The following ADSS2 variants were observed in gnomAD, a reference collection of about 807,000 sequenced individuals.
ADSS2 encodes the protein adenylosuccinate synthetase isozyme 2.
A neutral mutation model predicts 60.0 loss-of-function variants in ADSS2; 30 were observed. That is an observed-to-expected ratio of 0.50 (90% CI 0.37 to 0.68). ADSS2 has a LOEUF of 0.68. ADSS2 is among the 30% of genes least tolerant of loss of function. ADSS2 has a pLI of 0.00. For missense variants in ADSS2, 373 were observed against 554.8 expected, an observed-to-expected ratio of 0.67 and a Z score of 3.29; for synonymous variants, 187 against 193.1, an observed-to-expected ratio of 0.97 and a Z score of 0.26.
intron 5 of ADSS2, 59 bp downstream of exon 5, chr1:244,424,261 TA>T: frequency 1.3e-6 from 2 of 1,503,686 alleles, no homozygotes; most frequent in Non-Finnish European, 1.8e-6. Flanking sequence ...GGTCTAGAAC[TA>T]AAATATAAAG....
chr1:244,413,013 G>C (rs1211853907), intron 11 of ADSS2, among the ~76,000 whole-genome samples: 1 of 152,152 alleles, frequency 6.6e-6, no homozygotes, highest in African/African-American at 2.4e-5. Context: ...CCTGGCTAAG[G>C]AAGCACTGGG....
chr1:244,412,399 G>A (rs1199311147), intron 11 of ADSS2, among the ~76,000 whole-genome samples: 1 of 152,194 alleles, frequency 6.6e-6, no homozygotes, highest in Non-Finnish European at 1.5e-5. Flanking sequence ...ATGGTTAGAG[G>A]AAGATAGCTC....
intron 1 of ADSS2, among the ~76,000 whole-genome samples, chr1:244,443,814 G>A (rs1665309658): frequency 6.6e-6 from 1 of 152,212 alleles, no homozygotes; most frequent in Admixed American, 6.5e-5. Flanking sequence ...CAAGCCACGT[G>A]GCAGGGAGGC....
chr1:244,435,168 C>CA (rs60576167), intron 3 of ADSS2, among the ~76,000 whole-genome samples: 3,051 of 51,758 alleles, frequency 0.059, 666 homozygotes, highest in Middle Eastern at 0.088. Context: ...ACTCCGTCTC[C>CA]AAAAAAAAAA....
intron 7 of ADSS2, among the ~76,000 whole-genome samples, chr1:244,421,752 G>C (rs1260916396): frequency 6.6e-6 from 1 of 152,178 alleles, no homozygotes; most frequent in African/African-American, 2.4e-5. Context: ...GCCAAGGCAG[G>C]CAGACTGCTT....
chr1:244,413,041 G>C (rs1664448861), intron 11 of ADSS2, among the ~76,000 whole-genome samples: 1 of 152,204 alleles, frequency 6.6e-6, no homozygotes, highest in South Asian at 2.1e-4. Context: ...AGGAAGGAAA[G>C]GGACTGTATT....
At chr1:244,421,162 AG>A (rs1664668142) in intron 7 of ADSS2, among the ~76,000 whole-genome samples, 1 of 151,880 alleles carries the variant, frequency 6.6e-6, no homozygotes, top group Admixed American at 6.6e-5. Context: ...TATTACTAGT[AG>A]ATAATGTCCA....
rs112305459 is a variant in ADSS2, at chr1:244,443,294, T to C, written c.184-5526A>G. On this transcript the variant is annotated intron_variant, in intron 1 of 12. Transcript: ENST00000366535. ...TAATCACATTAACAGTTACACTAAC[T>C]ACCTCCTGCTTCTTTGCCAAACTCC... is the stretch of plus-strand genomic sequence containing the variant. 3.4e-3 allele frequency among the ~76,000 whole-genome samples: 520 copies of C among 152,358 alleles called. 2 individuals carry two copies. The highest frequency in any genetic ancestry group is 0.012 in the African/African-American group (483 of 41,580).
At chr1:244,425,660 CCT>C (rs142392012) in intron 4 of ADSS2, among the ~76,000 whole-genome samples, 2,226 of 152,214 alleles carry the variant, frequency 0.015, 52 homozygotes, top group African/African-American at 0.05. Context: ...CAGTCCTCCC[CCT>C]GTGTTTGGCA....
Position 244,451,510 on chromosome 1 carries a change from A to G in ADSS2, c.183+125T>C, listed in dbSNP as rs1435672921. On this transcript the variant is annotated intron_variant, in intron 1 of 12. Transcript: ENST00000366535. The surrounding 1 kb of genome is among the most constrained non-coding windows in gnomAD (Gnocchi z 6.6). ...GCCGCAGCTCAGGACAGGAGGAGAG[A>G]GCCTCAAGGTGACACCTCATTTTGG... is the stretch of plus-strand genomic sequence containing the variant. 4.8e-6 allele frequency: 5 copies of G among 1,050,794 alleles called. No homozygotes were observed. The highest frequency in any genetic ancestry group is 1.6e-5 in the South Asian group (1 of 61,616). The allele number at this position is 1,050,794 out of a possible 1,614,324, so 65.1% of individuals were successfully genotyped here.
Position 244,451,220 on chromosome 1 carries a change from C to T in ADSS2, c.183+415G>A, listed in dbSNP as rs534427174. On this transcript the variant is annotated intron_variant, in intron 1 of 12. Coordinates refer to ENST00000366535, the MANE Select transcript of ADSS2 (RefSeq NM_001126.5). This position sits in a 1 kb window ranked among gnomAD's most constrained non-coding sequence, Gnocchi z 6.6. The stretch of plus-strand genomic sequence containing the variant: ...GGGGGGGCGGTGATGGGGGGTTCTG[C>T]CGTCGCGCCGGGTCTCCGCCCGCAG... Among the ~76,000 whole-genome samples the T allele has an allele frequency of 2.6e-5, 4 of 152,286 alleles. No individual in the cohort carries two copies. The East Asian group carries it at 5.8e-4, about 22-fold the overall frequency.
intron 1 of ADSS2, among the ~76,000 whole-genome samples, chr1:244,444,514 CAAAAAAAAA>C (rs56001597): frequency 2.4e-5 from 1 of 42,526 alleles, no homozygotes; most frequent in Non-Finnish European, 4.9e-5. Context: ...GACTCCATCT[CAAAAAAAAA>C]AAAAAAAAAA....
chr1:244,428,572 C>A (rs1311158378), intron 4 of ADSS2, among the ~76,000 whole-genome samples: 2 of 151,490 alleles, frequency 1.3e-5, no homozygotes, highest in Non-Finnish European at 2.9e-5. Flanking sequence ...GTTCATGATC[C>A]AAGCTTCTAA....
At position 244,416,749 on chromosome 1, in the gene ADSS2, C is replaced by T. The variant is rs1306930189; in HGVS notation, c.1071-671G>A. The stretch of plus-strand genomic sequence containing the variant: ...TACATGGATGATTAAGATACATGTA[C>T]ATTTACACACATGCCAGCATCCCTC... On this transcript the variant is annotated intron_variant, in intron 10 of 12. Coordinates refer to ENST00000366535, the MANE Select transcript of ADSS2 (RefSeq NM_001126.5). Among the ~76,000 whole-genome samples the T allele has an allele frequency of 2.0e-5, 3 of 152,150 alleles. No individual in the cohort carries two copies. The East Asian group carries it at 5.8e-4, about 29-fold the overall frequency.
chr1:244,410,215 C>A (rs1187285083), intron 12 of ADSS2, among the ~76,000 whole-genome samples: 1 of 152,064 alleles, frequency 6.6e-6, no homozygotes. Context: ...AATATGCTTA[C>A]TAAATTTGAC....
At chr1:244,433,765 C>T (rs1360478420) in intron 3 of ADSS2, among the ~76,000 whole-genome samples, 1 of 145,688 alleles carries the variant, frequency 6.9e-6, no homozygotes, top group Non-Finnish European at 1.5e-5. Context: ...GAGGCTGAGG[C>T]AGGAGAATCA....
chr1:244,410,947 C>T (rs6685912), intron 12 of ADSS2, among the ~76,000 whole-genome samples: 10,019 of 152,132 alleles, frequency 0.066, 778 homozygotes, highest in East Asian at 0.42. Flanking sequence ...GACAGTTGGC[C>T]GGGCATGCTG....
At position 244,417,244 on chromosome 1, in the gene ADSS2, T is replaced by G. The variant is rs1664554448; in HGVS notation, c.1070+384A>C. Among the ~76,000 whole-genome samples, 2 of 152,174 alleles carry G rather than the reference T, an allele frequency of 1.3e-5. 1 individual carries two copies. The highest frequency in any genetic ancestry group is 4.1e-4 in the South Asian group (2 of 4,830). On this transcript the variant is annotated intron_variant, in intron 10 of 12. Transcript: ENST00000366535. ...GCTACACAAGCATAATGCACAGATC[T>G]GAGATCTGAATCCAGGAACTCAGAC...
At chr1:244,427,947 T>TG (rs1277857755) in intron 4 of ADSS2, among the ~76,000 whole-genome samples, 1 of 152,178 alleles carries the variant, frequency 6.6e-6, no homozygotes. Context: ...TAAACATACA[T>TG]GTACCTAACA....
Sources: gnomAD v4.1 joint callset for allele counts (sites outside exome capture counted in the v4.1 genomes callset) on GRCh38, gnomAD v4.1.1 for gene constraint, Gnocchi (gnomAD v3.1) non-coding constraint, MANE v1.5 for transcripts, NCBI Gene and HGNC (gene_info 2026-07-23, HGNC 2026-07-21) for gene names.